The following NME5 variants were observed in gnomAD, a reference collection of about 807,000 sequenced individuals.
NME5 encodes the protein nucleoside diphosphate kinase 5.
In NME5, 18 loss-of-function variants were observed where a neutral mutation model predicts 21.6. That is an observed-to-expected ratio of 0.83 (90% CI 0.58 to 1.24). The LOEUF is 1.24. Among genes scored for constraint, NME5 ranks in the 50% most tolerant of loss-of-function variants. The pLI, the probability that NME5 is intolerant of heterozygous loss-of-function variation, is 0.00. For synonymous variants in NME5, 70 were observed against 80.6 expected (o/e 0.87, Z 0.71); for missense variants, 223 against 255.4 (o/e 0.87, Z 0.86).
intron 2 of NME5, among the ~76,000 whole-genome samples, chr5:138,136,728 C>T (rs1044133995): frequency 1.3e-5 from 2 of 151,884 alleles, no homozygotes; most frequent in Non-Finnish European, 2.9e-5. Context: ...CGGCAACCTC[C>T]GCCTCCCATG....
At chr5:138,137,000 CA>C (rs201169427) in intron 2 of NME5, among the ~76,000 whole-genome samples, 180 of 135,172 alleles carry the variant, frequency 1.3e-3, no homozygotes, top group Middle Eastern at 7.5e-3. Context: ...TAAGTCATAA[CA>C]AAAAAAAAAA....
rs70979581 is a variant in NME5, at chr5:138,122,441, T to TAAAAAAAA, written c.437-3513_437-3506dup. On this transcript the variant is annotated intron_variant, in intron 4 of 5. Coordinates refer to ENST00000265191, the MANE Select transcript of NME5 (RefSeq NM_003551.3). ...GGTGACAAGAGCGAAACTCTGTCTC[T>TAAAAAAAA]AAAAAAAAAAAAAAAAAAAAAAAAA... Among the ~76,000 whole-genome samples the TAAAAAAAA allele has an allele frequency of 1.2e-4, 4 of 34,462 alleles. 1 individual carries two copies. The highest frequency in any genetic ancestry group is 4.3e-4 in the African/African-American group (4 of 9,280). The allele number at this position is 34,462 out of a possible 152,430, so 22.6% of individuals were successfully genotyped here.
At chr5:138,133,900 C>T (rs1405565934) in intron 2 of NME5, among the ~76,000 whole-genome samples, 1 of 151,922 alleles carries the variant, frequency 6.6e-6, no homozygotes, top group Non-Finnish European at 1.5e-5. Context: ...TAGAAATGGA[C>T]AGTAGTGATG....
In NME5 at chr5:138,129,287, ACTAAG is replaced by A; in HGVS notation, c.306_310del (p.Leu103SerfsTer17). The A allele has an allele frequency of 3.1e-6, 5 of 1,613,394 alleles. No homozygotes were observed. Among genetic ancestry groups the A allele is most frequent in the Non-Finnish European group, 3.4e-6 (4 of 1,179,540 alleles). ...CCTGTCTGGATGTGTCTCCTTCGCTACTAAGCTATTATTTGGTCCCAAAAGTTCTA... is the reference window on the plus strand; with the variant it reads ...CCTGTCTGGATGTGTCTCCTTCGCTACTATTATTTGGTCCCAAAAGTTCTA... On this transcript the variant is annotated frameshift_variant, in exon 3 of 6. Coordinates refer to ENST00000265191, the MANE Select transcript of NME5 (RefSeq NM_003551.3). LOFTEE classifies it high-confidence loss of function.
intron 2 of NME5, 76 bp downstream of exon 2, chr5:138,138,576 T>C: frequency 7.9e-7 from 1 of 1,269,876 alleles, no homozygotes; most frequent in Non-Finnish European, 1.1e-6. Flanking sequence ...TTTAAATGGG[T>C]AGGCACATTT....
intron 5 of NME5, among the ~76,000 whole-genome samples, chr5:138,117,007 A>C (rs984029130): frequency 5.9e-5 from 9 of 152,100 alleles, no homozygotes; most frequent in Non-Finnish European, 1.0e-4. Context: ...CAGGAGTTCA[A>C]GACCAGCCTG....
intron 2 of NME5, among the ~76,000 whole-genome samples, chr5:138,136,698 A>C (rs1751705330): frequency 6.6e-6 from 1 of 152,004 alleles, no homozygotes. Flanking sequence ...GCTGGAGCAC[A>C]ATGGCACGAT....
chr5:138,139,259 G>A, intron 1 of NME5, 112 bp downstream of exon 1: 2 of 601,740 alleles, frequency 3.3e-6, no homozygotes, highest in Non-Finnish European at 2.1e-6. Flanking sequence ...TGTCCCGCAG[G>A]GACCTCTCTG....
intron 2 of NME5, among the ~76,000 whole-genome samples, chr5:138,137,131 C>G (rs1249223875): frequency 6.6e-6 from 1 of 151,768 alleles, no homozygotes; most frequent in Non-Finnish European, 1.5e-5. Flanking sequence ...GTATATAATA[C>G]TTGATCCAAA....
intron 5 of NME5, among the ~76,000 whole-genome samples, chr5:138,117,128 G>C (rs1292647730): frequency 7.1e-6 from 1 of 141,148 alleles, no homozygotes; most frequent in Admixed American, 7.8e-5. Context: ...AGAATCACTT[G>C]AACTCAGGAG....
chr5:138,131,875 C>G (rs1166781678), intron 2 of NME5, among the ~76,000 whole-genome samples: 1 of 151,986 alleles, frequency 6.6e-6, no homozygotes, highest in African/African-American at 2.4e-5. Context: ...TCCTGAGTAG[C>G]TGGGATTATA....
At chr5:138,123,096 GTGC>G (rs1751323709) in intron 4 of NME5, 1 of 152,082 alleles carries the variant, frequency 6.6e-6, no homozygotes, top group African/African-American at 2.4e-5. Flanking sequence ...TTTAGCATAT[GTGC>G]TGAAGTGAGC....
At chr5:138,124,233 C>T (rs1465906318) in intron 4 of NME5, among the ~76,000 whole-genome samples, 1 of 151,628 alleles carries the variant, frequency 6.6e-6, no homozygotes, top group Non-Finnish European at 1.5e-5. Flanking sequence ...GAATTCCTGA[C>T]CTCAGGTGAT....
rs1209510256 is a variant in NME5 at position 138,131,203 on chromosome 5, C to CT, written c.130-1736dup. Among the ~76,000 whole-genome samples the CT allele has an allele frequency of 3.4e-5, 3 of 88,318 alleles. No homozygotes were observed. The Admixed American group carries it at 4.1e-4, about 12-fold the overall frequency. The allele number at this position is 88,318 out of a possible 152,430, so 57.9% of individuals were successfully genotyped here. A position where few individuals can be genotyped will look rare whatever the true frequency, so the allele number is the denominator to read the frequency against. ...CCAACATGATGAAACCCCGTCTCTG[C>CT]TAAAAAAAAAAAAAAAAAAAAAAAA... On this transcript the variant is annotated intron_variant, in intron 2 of 5. Transcript: ENST00000265191.
chr5:138,119,734 T>G (rs1751242100), intron 4 of NME5, among the ~76,000 whole-genome samples: 1 of 151,490 alleles, frequency 6.6e-6, no homozygotes, highest in African/African-American at 2.4e-5. Flanking sequence ...CTCAGTTCAC[T>G]GCAACCCCGT....
chr5:138,131,225 A>T (rs1417542885), intron 2 of NME5, among the ~76,000 whole-genome samples: 1 of 149,884 alleles, frequency 6.7e-6, no homozygotes, highest in East Asian at 2.0e-4. Flanking sequence ...AAAAAAAAAA[A>T]AAAAAATTAG....
In NME5 at chr5:138,125,998, CAT is replaced by C. The variant is rs1435934696; in HGVS notation, c.436+2479_436+2480del. ...GTGAATCATCGTATAAAGTTTTGCACATAGTTGTTCATCAACTGCTAAGTAAG... is the reference window on the plus strand; with the variant it reads ...GTGAATCATCGTATAAAGTTTTGCACAGTTGTTCATCAACTGCTAAGTAAG... On this transcript the variant is annotated intron_variant, in intron 4 of 5. Coordinates refer to ENST00000265191, the MANE Select transcript of NME5 (RefSeq NM_003551.3). Among the ~76,000 whole-genome samples the C allele has an allele frequency of 2.0e-5, 3 of 152,170 alleles. No homozygotes were observed. The East Asian group carries it at 5.8e-4, about 29-fold the overall frequency.
At position 138,129,265 on chromosome 5, in the gene NME5, G is replaced by A; in HGVS notation, c.333C>T (p.Asp111=). Residue 111 remains aspartate (D), a splice_region_variant and synonymous_variant, in exon 3 of 6, where the codon GAC becomes GAT. Coordinates refer to ENST00000265191, the MANE Select transcript of NME5 (RefSeq NM_003551.3). ...NSLVAKETHP[D]SLRAIYGTDD... Reference sequence around the variant, plus strand: ...ATCCCCCAAACCCTGAAAATTACCTGTCTGGATGTGTCTCCTTCGCTACTA... The same window carrying A: ...ATCCCCCAAACCCTGAAAATTACCTATCTGGATGTGTCTCCTTCGCTACTA... 1.2e-6 allele frequency: 2 copies of A among 1,607,002 alleles called. No homozygotes were observed. The highest frequency in any genetic ancestry group is 1.7e-4 in the Middle Eastern group (1 of 6,056).
chr5:138,121,860 AT>A lies in NME5; in HGVS notation c.437-2925del, dbSNP rs1052810587. Among the ~76,000 whole-genome samples the A allele has an allele frequency of 1.6e-4, 24 of 150,472 alleles. No individual in the cohort carries two copies. In the East Asian group the frequency reaches 2.5e-3, roughly 16 times the overall value. On this transcript the variant is annotated intron_variant, in intron 4 of 5. Coordinates refer to ENST00000265191, the MANE Select transcript of NME5 (RefSeq NM_003551.3). ...AGGATTACATTAAAATTTTCTTTAAATTTTTTTTTTCTTGTAGAGATGAGGT... is the reference window on the plus strand; with the variant it reads ...AGGATTACATTAAAATTTTCTTTAAATTTTTTTTTCTTGTAGAGATGAGGT...
Sources: gnomAD v4.1 joint callset for allele counts (sites outside exome capture counted in the v4.1 genomes callset) on GRCh38, gnomAD v4.1.1 for gene constraint, MANE v1.5 for transcripts, NCBI Gene and HGNC (gene_info 2026-07-23, HGNC 2026-07-21) for gene names.